Variants in CERS6 observed in about 807,000 individuals in gnomAD.
The protein encoded by CERS6 is LAG1 homolog, ceramide synthase 6.
In CERS6, 26 loss-of-function variants were observed where a neutral mutation model predicts 56.8. The observed-to-expected ratio is 0.46, with a 90% CI of 0.34 to 0.63. The LOEUF (loss-of-function observed/expected upper bound fraction) is 0.63, where lower values mean the gene tolerates loss of function less well. CERS6 is among the 30% of genes least tolerant of loss of function. The probability of loss-of-function intolerance (pLI) is 0.01; values close to 1 mark genes in which losing one functional copy is unlikely to be tolerated. For synonymous variants in CERS6, 164 were observed against 173.3 expected (o/e 0.95, Z 0.42); for missense variants, 415 against 467.5 (o/e 0.89, Z 1.04).
chr2:168,687,178 G>A (rs1353851405), intron 4 of CERS6, among the ~76,000 whole-genome samples: 7 of 152,200 alleles, frequency 4.6e-5, no homozygotes, highest in African/African-American at 1.7e-4. Context: ...ACTAGCCAAG[G>A]AGGCTGGATG....
At chr2:168,475,605 A>G (rs1028382272) in intron 1 of CERS6, among the ~76,000 whole-genome samples, 3 of 152,200 alleles carry the variant, frequency 2.0e-5, no homozygotes, top group African/African-American at 7.2e-5. Context: ...GTGAAAAAGG[A>G]GTGATTATAT....
intron 1 of CERS6, among the ~76,000 whole-genome samples, chr2:168,469,089 A>C (rs766328857): frequency 1.3e-5 from 2 of 152,234 alleles, no homozygotes; most frequent in Non-Finnish European, 2.9e-5. Flanking sequence ...GATCACATTT[A>C]TGAAAATGGA....
At chr2:168,574,854 T>A (rs528193419) in intron 3 of CERS6, among the ~76,000 whole-genome samples, 1 of 152,346 alleles carries the variant, frequency 6.6e-6, no homozygotes, top group East Asian at 1.9e-4. Context: ...GGTATAATTA[T>A]TTGGCAGATT....
chr2:168,504,476 G>A (rs927137062), intron 1 of CERS6, among the ~76,000 whole-genome samples: 1 of 152,120 alleles, frequency 6.6e-6, no homozygotes, highest in Non-Finnish European at 1.5e-5. Flanking sequence ...AACAAGTGAG[G>A]CAATCTGTAT....
intron 2 of CERS6, among the ~76,000 whole-genome samples, chr2:168,552,502 A>C (rs1386364355): frequency 2.6e-5 from 4 of 152,144 alleles, no homozygotes; most frequent in Admixed American, 2.0e-4. Context: ...AAGGCTACCT[A>C]GATTGGGCAG....
intron 8 of CERS6, among the ~76,000 whole-genome samples, chr2:168,744,191 G>GAGACGGGGTTTCACCGTGTT (rs1436543092): frequency 6.6e-6 from 1 of 151,554 alleles, no homozygotes; most frequent in Non-Finnish European, 1.5e-5. Flanking sequence ...ATTTTTAGTA[G>GAGACGGGGTTTCACCGTGTT]AGACGGGGTT....
intron 3 of CERS6, among the ~76,000 whole-genome samples, chr2:168,608,949 A>G (rs1042666656): frequency 3.9e-5 from 6 of 151,974 alleles, no homozygotes; most frequent in Admixed American, 3.9e-4. Flanking sequence ...AGTTTGTGGA[A>G]CTCCTCCAAT....
intron 3 of CERS6, among the ~76,000 whole-genome samples, chr2:168,610,567 T>G (rs1481234538): frequency 6.6e-6 from 1 of 152,346 alleles, no homozygotes; most frequent in Admixed American, 6.5e-5. Context: ...CAAAAGTTCA[T>G]TAGATTATTA....
chr2:168,547,150 A>C (rs1230139864), intron 1 of CERS6, among the ~76,000 whole-genome samples: 1 of 152,242 alleles, frequency 6.6e-6, no homozygotes, highest in Non-Finnish European at 1.5e-5. Flanking sequence ...AAAATTGCCA[A>C]GTTTATGACT....
intron 3 of CERS6, among the ~76,000 whole-genome samples, chr2:168,617,219 G>A (rs563834356): frequency 1.3e-4 from 20 of 152,170 alleles, no homozygotes; most frequent in African/African-American, 4.3e-4. Context: ...AAACCTCTGG[G>A]ATACAGCAAA....
intron 4 of CERS6, among the ~76,000 whole-genome samples, chr2:168,640,218 A>G (rs567056332): frequency 1.1e-3 from 167 of 152,322 alleles, no homozygotes; most frequent in African/African-American, 3.8e-3. Flanking sequence ...CATACATCAA[A>G]TTTCTGTGCC....
At chr2:168,590,461 G>A (rs927136590) in intron 3 of CERS6, among the ~76,000 whole-genome samples, 1 of 152,160 alleles carries the variant, frequency 6.6e-6, no homozygotes, top group Non-Finnish European at 1.5e-5. Flanking sequence ...TCTAGTGTAT[G>A]TCAGGGACAT....
chr2:168,647,791 C>A (rs1262114597), intron 4 of CERS6, among the ~76,000 whole-genome samples: 1 of 152,082 alleles, frequency 6.6e-6, no homozygotes, highest in East Asian at 1.9e-4. Context: ...GTCTTTAGTT[C>A]TGTTTATGTG....
intron 3 of CERS6, among the ~76,000 whole-genome samples, chr2:168,591,942 C>T (rs568997969): frequency 1.3e-5 from 2 of 152,144 alleles, no homozygotes; most frequent in African/African-American, 2.4e-5. Flanking sequence ...TAGATCAGAG[C>T]GGGGAATAGC....
chr2:168,716,738 A>G (rs1420327148), intron 7 of CERS6, among the ~76,000 whole-genome samples: 1 of 152,166 alleles, frequency 6.6e-6, no homozygotes, highest in African/African-American at 2.4e-5. Context: ...GTACCTTTTA[A>G]CATAATTTAT....
At chr2:168,757,407 A>C (rs187406951) in intron 8 of CERS6, among the ~76,000 whole-genome samples, 1 of 152,292 alleles carries the variant, frequency 6.6e-6, no homozygotes, top group East Asian at 1.9e-4. Context: ...ACCAATTACA[A>C]ACTTCCTGTG....
intron 6 of CERS6, among the ~76,000 whole-genome samples, chr2:168,699,033 G>A (rs2105370485): frequency 6.6e-6 from 1 of 152,274 alleles, no homozygotes; most frequent in African/African-American, 2.4e-5. Context: ...CTTGGCACAG[G>A]TTTTCATTAG....
At chr2:168,726,420 CCT>C (rs1169984079) in intron 8 of CERS6, among the ~76,000 whole-genome samples, 2 of 152,146 alleles carry the variant, frequency 1.3e-5, no homozygotes, top group Non-Finnish European at 2.9e-5. Flanking sequence ...AAAATGATTG[CCT>C]CTGTCGTTCT....
chr2:168,458,031 T>G (rs1428576348), intron 1 of CERS6, among the ~76,000 whole-genome samples: 3 of 152,108 alleles, frequency 2.0e-5, no homozygotes, highest in Admixed American at 2.0e-4. Flanking sequence ...GTCACAGCAG[T>G]GCTGTGAAAA....
Sources: gnomAD v4.1 joint callset for allele counts (sites outside exome capture counted in the v4.1 genomes callset) on GRCh38, gnomAD v4.1.1 for gene constraint, MANE v1.5 for transcripts, NCBI Gene and HGNC (gene_info 2026-07-23, HGNC 2026-07-21) for gene names.